The following SRGAP1 variants were observed in gnomAD, a reference collection of about 807,000 sequenced individuals.
SRGAP1 encodes the protein SLIT-ROBO Rho GTPase-activating protein 1.
SRGAP1 carries 43 observed loss-of-function variants against 121.9 expected under a neutral mutation model. The ratio of observed to expected loss-of-function variants is 0.35; its 90% CI spans 0.28 to 0.46. The LOEUF (loss-of-function observed/expected upper bound fraction) is 0.46. SRGAP1 is among the 20% of genes least tolerant of loss of function. SRGAP1 has a pLI of 1.00. For synonymous variants in SRGAP1, 447 were observed against 485.4 expected (o/e 0.92, Z 1.04); for missense variants, 1,102 against 1,350.9 (o/e 0.82, Z 2.89).
chr12:64,134,420 CA>C (rs750862183), intron 21 of SRGAP1, among the ~76,000 whole-genome samples: 1,880 of 119,206 alleles, frequency 0.016, 13 homozygotes, highest in Middle Eastern at 0.023. Flanking sequence ...GACTCCATCT[CA>C]AAAAAAAAAA....
intron 6 of SRGAP1, among the ~76,000 whole-genome samples, chr12:64,048,770 T>C (rs2035182619): frequency 1.3e-5 from 2 of 152,208 alleles, no homozygotes; most frequent in African/African-American, 2.4e-5. Flanking sequence ...TGAGTACCTT[T>C]TCATATACCT....
At chr12:64,082,920 T>A (rs545978510) in intron 10 of SRGAP1, among the ~76,000 whole-genome samples, 1 of 152,334 alleles carries the variant, frequency 6.6e-6, no homozygotes. Flanking sequence ...GTTGCAGACA[T>A]CTCTGCTTCC....
intron 12 of SRGAP1, among the ~76,000 whole-genome samples, chr12:64,092,800 G>T (rs1357350653): frequency 6.6e-6 from 1 of 152,144 alleles, no homozygotes; most frequent in Non-Finnish European, 1.5e-5. Context: ...TAGAAAAGCT[G>T]CAAGAAGCAG....
chr12:64,074,759 A>T (rs2035703778), intron 8 of SRGAP1, among the ~76,000 whole-genome samples: 1 of 152,196 alleles, frequency 6.6e-6, no homozygotes, highest in South Asian at 2.1e-4. Context: ...ATTACTAAAT[A>T]TTGGCACAAG....
At chr12:64,031,475 G>A (rs1489324211) in intron 4 of SRGAP1, among the ~76,000 whole-genome samples, 2 of 152,002 alleles carry the variant, frequency 1.3e-5, no homozygotes, top group Non-Finnish European at 2.9e-5. Flanking sequence ...AGTTAGAAAC[G>A]ATCCAAGAGG....
At chr12:63,969,927 T>G (rs768043410) in intron 1 of SRGAP1, among the ~76,000 whole-genome samples, 1 of 152,180 alleles carries the variant, frequency 6.6e-6, no homozygotes. Flanking sequence ...CCTTCATCAT[T>G]TACTTTACAT....
At chr12:63,944,487 A>T (rs61933138) in intron 1 of SRGAP1, among the ~76,000 whole-genome samples, 4,642 of 152,232 alleles carry the variant, frequency 0.03, 113 homozygotes, top group Middle Eastern at 0.068. Context: ...CCAACCTCCA[A>T]ATATTATCAC....
At chr12:63,939,507 G>A (rs951354161) in intron 1 of SRGAP1, among the ~76,000 whole-genome samples, 3 of 151,942 alleles carry the variant, frequency 2.0e-5, no homozygotes, top group Admixed American at 6.6e-5. Context: ...GAAAGGAGGA[G>A]AAAAAAAGGC....
At chr12:64,048,062 G>A (rs1249170941) in intron 6 of SRGAP1, among the ~76,000 whole-genome samples, 1 of 151,966 alleles carries the variant, frequency 6.6e-6, no homozygotes, top group Non-Finnish European at 1.5e-5. Context: ...GTAATTTATT[G>A]TACACTTAAA....
intron 3 of SRGAP1, among the ~76,000 whole-genome samples, chr12:64,003,007 G>A (rs1443562911): frequency 6.8e-6 from 1 of 147,764 alleles, no homozygotes; most frequent in Non-Finnish European, 1.5e-5. Flanking sequence ...GATCTTGGGG[G>A]GGGTGTGTAT....
chr12:64,105,468 CAAG>C (rs1288964327), intron 15 of SRGAP1, among the ~76,000 whole-genome samples: 1 of 152,102 alleles, frequency 6.6e-6, no homozygotes, highest in Non-Finnish European at 1.5e-5. Flanking sequence ...GAGATAGAAA[CAAG>C]AAGATCTTGA....
chr12:63,909,900 C>T (rs2030410549), intron 1 of SRGAP1, among the ~76,000 whole-genome samples: 1 of 152,168 alleles, frequency 6.6e-6, no homozygotes, highest in Non-Finnish European at 1.5e-5. Context: ...CTGTTAAGGC[C>T]TTTCAGCTGA....
chr12:63,948,848 TTTTCCATATATATATATTCCATATATATA>T (rs2032141336), intron 1 of SRGAP1, among the ~76,000 whole-genome samples: 1 of 130,058 alleles, frequency 7.7e-6, no homozygotes, highest in Non-Finnish European at 1.6e-5. Context: ...CATATATATA[TTTTCCATATATATATATTCCATATATATA>T]TTTTCCATAT....
chr12:64,127,504 G>A (rs563919735), intron 19 of SRGAP1, 86 bp from the exon 20 acceptor site: 14 of 1,352,812 alleles, frequency 1.0e-5, no homozygotes, highest in East Asian at 2.5e-5. Flanking sequence ...ATGCTATCAC[G>A]TAAATTTTCA....
intron 2 of SRGAP1, among the ~76,000 whole-genome samples, chr12:63,984,738 A>G (rs1398059215): frequency 6.6e-6 from 1 of 152,106 alleles, no homozygotes; most frequent in Non-Finnish European, 1.5e-5. Context: ...GGACAGGGCC[A>G]GGTGGGGTGG....
chr12:63,892,112 T>C (rs2136297692), intron 1 of SRGAP1, among the ~76,000 whole-genome samples: 1 of 152,168 alleles, frequency 6.6e-6, no homozygotes, highest in East Asian at 1.9e-4. Context: ...CAAAAAACTA[T>C]GATCAAAGTA....
chr12:64,017,797 T>G (rs1331749489), intron 4 of SRGAP1, among the ~76,000 whole-genome samples: 1 of 152,210 alleles, frequency 6.6e-6, no homozygotes, highest in Non-Finnish European at 1.5e-5. Context: ...GGATATCTTT[T>G]TTTTTGCAAT....
intron 1 of SRGAP1, among the ~76,000 whole-genome samples, chr12:63,918,285 T>G (rs557709770): frequency 6.6e-6 from 1 of 152,240 alleles, no homozygotes; most frequent in Non-Finnish European, 1.5e-5. Flanking sequence ...GTTTTAGAGA[T>G]GAGAAAACGG....
At chr12:63,928,321 A>G (rs778261109) in intron 1 of SRGAP1, among the ~76,000 whole-genome samples, 1 of 152,188 alleles carries the variant, frequency 6.6e-6, no homozygotes, top group Non-Finnish European at 1.5e-5. Context: ...TTCCACTCCT[A>G]TGCATTTAAC....
Sources: allele counts gnomAD v4.1 joint callset (sites outside exome capture counted in the v4.1 genomes callset), GRCh38; gene constraint gnomAD v4.1.1; transcripts MANE v1.5; gene names NCBI Gene and HGNC (gene_info 2026-07-23, HGNC 2026-07-21).